Variants in OSBPL8 observed in about 807,000 individuals in gnomAD.
The protein encoded by OSBPL8 is oxysterol-binding protein-related protein 8.
Under a neutral mutation model 125.5 loss-of-function variants are expected in OSBPL8, and 59 were observed. That is an observed-to-expected ratio of 0.47 (90% CI 0.38 to 0.58). The LOEUF is 0.58. Among genes scored for constraint, OSBPL8 ranks in the 20% least tolerant of loss-of-function variants. The pLI, the probability that OSBPL8 is intolerant of heterozygous loss-of-function variation, is 0.00. For synonymous variants in OSBPL8, 330 were observed against 338.9 expected (o/e 0.97, Z 0.29); for missense variants, 758 against 1,047.8 (o/e 0.72, Z 3.82).
intron 4 of OSBPL8, 144 bp from the exon 5 acceptor site, chr12:76,410,778 G>A (rs1201610390): frequency 3.5e-6 from 2 of 578,808 alleles, no homozygotes; most frequent in African/African-American, 1.9e-5. Flanking sequence ...ATCTCTAGAG[G>A]GTCATATCTA....
rs1223547342 is a variant in OSBPL8, at chr12:76,352,014, T to C, written c.*3875A>G. The stretch of plus-strand genomic sequence containing the variant: ...ATTTGACAGTGTGCTGTACTTACAC[T>C]GCAGGTAACATATTTTTATTCTATC... On this transcript the variant is annotated 3_prime_UTR_variant, in exon 24 of 24. Transcript: ENST00000261183. 6.6e-6 allele frequency: 1 copy of C among 152,316 alleles called. No individual in the cohort carries two copies. Among genetic ancestry groups the C allele is most frequent in the Non-Finnish European group, 1.5e-5 (1 of 68,030 alleles). 9.4% of individuals were successfully genotyped at this position (152,316 alleles called of 1,614,324 possible). A position where few individuals can be genotyped will look rare whatever the true frequency, so the allele number is the denominator to read the frequency against.
chr12:76,515,962 A>T (rs1405356707), intron 1 of OSBPL8, among the ~76,000 whole-genome samples: 1 of 152,238 alleles, frequency 6.6e-6, no homozygotes, highest in Non-Finnish European at 1.5e-5. Context: ...GGATTGAAGA[A>T]GTAATCACAG....
intron 8 of OSBPL8, among the ~76,000 whole-genome samples, chr12:76,396,113 G>A (rs1278831731): frequency 2.6e-5 from 4 of 151,314 alleles, no homozygotes; most frequent in Non-Finnish European, 4.4e-5. Context: ...TTTGAAAGTC[G>A]TTTTCTCCAC....
At chr12:76,551,326 G>A (rs1218488826) in intron 1 of OSBPL8, among the ~76,000 whole-genome samples, 1 of 152,076 alleles carries the variant, frequency 6.6e-6, no homozygotes, top group Non-Finnish European at 1.5e-5. Context: ...GAGTGACCTT[G>A]TCCCCAGGGA....
chr12:76,361,939 C>T (rs73383533), intron 21 of OSBPL8, among the ~76,000 whole-genome samples: 25,564 of 152,192 alleles, frequency 0.17, 2,375 homozygotes, highest in Middle Eastern at 0.24. Context: ...CTTGGAAAAA[C>T]AGAGAACCAG....
At chr12:76,510,243 A>AT (rs573803809) in intron 1 of OSBPL8, among the ~76,000 whole-genome samples, 4 of 152,240 alleles carry the variant, frequency 2.6e-5, no homozygotes, top group Non-Finnish European at 5.9e-5. Context: ...ATATATGTAT[A>AT]TACCAATCAT....
intron 21 of OSBPL8, among the ~76,000 whole-genome samples, chr12:76,367,714 T>C (rs1952473970): frequency 6.6e-6 from 1 of 152,164 alleles, no homozygotes; most frequent in African/African-American, 2.4e-5. Context: ...TTTGTGTGTA[T>C]TTTTTTAGAT....
chr12:76,522,830 G>A (rs557034983), intron 1 of OSBPL8, among the ~76,000 whole-genome samples: 1 of 152,136 alleles, frequency 6.6e-6, no homozygotes, highest in South Asian at 2.1e-4. Context: ...AGTGTTAAAA[G>A]TACTAAAATA....
At chr12:76,382,653 C>T (rs537893745) in intron 15 of OSBPL8, among the ~76,000 whole-genome samples, 24 of 152,070 alleles carry the variant, frequency 1.6e-4, no homozygotes, top group African/African-American at 4.8e-4. Context: ...GAGGCTGAGG[C>T]GGGTGGATCA....
chr12:76,362,224 G>A (rs986419038), intron 21 of OSBPL8, among the ~76,000 whole-genome samples: 3 of 151,930 alleles, frequency 2.0e-5, no homozygotes, highest in African/African-American at 7.3e-5. Flanking sequence ...TAACAAGGCA[G>A]AGACACAACA....
intron 4 of OSBPL8, among the ~76,000 whole-genome samples, chr12:76,441,457 T>TA (rs1473155572): frequency 2.0e-5 from 3 of 152,116 alleles, no homozygotes; most frequent in African/African-American, 7.2e-5. Context: ...ACATATTTAT[T>TA]AAAAATACAG....
At chr12:76,455,337 G>A (rs1873907999) in intron 3 of OSBPL8, among the ~76,000 whole-genome samples, 1 of 151,680 alleles carries the variant, frequency 6.6e-6, no homozygotes, top group African/African-American at 2.4e-5. Context: ...GTATAATTAT[G>A]CTCTCATTTA....
At chr12:76,555,492 T>C (rs1228988035) in intron 1 of OSBPL8, among the ~76,000 whole-genome samples, 1 of 152,194 alleles carries the variant, frequency 6.6e-6, no homozygotes, top group Admixed American at 6.5e-5. Context: ...TTAGAGTTCA[T>C]GATAAACGAA....
At position 76,389,817 on chromosome 12, in the gene OSBPL8, A is replaced by G; in HGVS notation, c.1180T>C (p.Ser394Pro). The change falls in exon 12 of 24, where the codon TCT becomes CCT. Residue 394 changes from serine to proline, a missense_variant. Transcript: ENST00000261183. ...HEELGEAGEA[S>P]QTETVSEENK... ...TCTTCAGATACAGTTTCTGTTTGAG[A>G]AGCCTCACCTGCCTTTATCAATTAA... 1 of 1,521,828 alleles carries G rather than the reference A, an allele frequency of 6.6e-7. No homozygotes were observed. 94.3% of individuals were successfully genotyped at this position (1,521,828 alleles called of 1,614,324 possible).
intron 16 of OSBPL8, among the ~76,000 whole-genome samples, chr12:76,378,212 T>C (rs1268015975): frequency 6.6e-6 from 1 of 152,208 alleles, no homozygotes; most frequent in African/African-American, 2.4e-5. Flanking sequence ...AATTCCATTA[T>C]GATAAATCAG....
intron 15 of OSBPL8, 76 bp from the exon 16 acceptor site, chr12:76,378,626 CACCT>C: frequency 1.0e-6 from 1 of 999,238 alleles, no homozygotes; most frequent in East Asian, 2.4e-5. Context: ...ATATTTAGAA[CACCT>C]ACCAGACATC....
intron 1 of OSBPL8, among the ~76,000 whole-genome samples, chr12:76,523,457 C>T (rs192844322): frequency 6.6e-6 from 1 of 152,308 alleles, no homozygotes; most frequent in East Asian, 1.9e-4. Context: ...CTGCTATGAA[C>T]TTGAATATTT....
intron 4 of OSBPL8, among the ~76,000 whole-genome samples, chr12:76,428,914 T>C (rs1214879417): frequency 6.6e-6 from 1 of 152,158 alleles, no homozygotes; most frequent in Non-Finnish European, 1.5e-5. Flanking sequence ...AGATGGGAGA[T>C]AATGAACTTT....
At chr12:76,442,272 G>C (rs1051481709) in intron 4 of OSBPL8, among the ~76,000 whole-genome samples, 2 of 152,048 alleles carry the variant, frequency 1.3e-5, no homozygotes, top group African/African-American at 4.8e-5. Flanking sequence ...TCTCCTGTAG[G>C]AATATAGGGA....
Sources: gnomAD v4.1 joint callset for allele counts (sites outside exome capture counted in the v4.1 genomes callset) on GRCh38, gnomAD v4.1.1 for gene constraint, MANE v1.5 for transcripts, NCBI Gene and HGNC (gene_info 2026-07-23, HGNC 2026-07-21) for gene names.